UNC5D: variants seen among roughly 807,000 people sequenced by gnomAD.
UNC5D encodes the protein netrin receptor UNC5D.
UNC5D carries 39 observed loss-of-function variants against 105.4 expected under a neutral mutation model. The observed-to-expected ratio is 0.37, with a 90% confidence interval of 0.29 to 0.48. UNC5D has a LOEUF of 0.48. Ranked by LOEUF, UNC5D falls within the 20% of genes least tolerant of loss-of-function variation. UNC5D has a pLI of 0.98. For missense variants in UNC5D, 991 were observed against 1,202.4 expected (o/e 0.82, Z 2.60); for synonymous variants, 452 against 450.4 (o/e 1.00, Z -0.04).
Position 35,760,641 on chromosome 8 carries a change from C to T in UNC5D, c.2313+1172C>T, listed in dbSNP as rs138467109. Among the ~76,000 whole-genome samples, 643 of 152,232 alleles carry T rather than the reference C, an allele frequency of 4.2e-3. 2 individuals carry two copies. The highest frequency in any genetic ancestry group is 0.014 in the African/African-American group (596 of 41,550). On this transcript the variant is annotated intron_variant, in intron 14 of 16. Transcript: ENST00000404895. ...TCAAGTGCTTAAGGACAGGATATTTCCTTCACTCTGGAAAAGCTTCTGGCG... is the reference window on the plus strand; with the variant it reads ...TCAAGTGCTTAAGGACAGGATATTTTCTTCACTCTGGAAAAGCTTCTGGCG...
chr8:35,441,293 A>AT (rs1309646572), intron 1 of UNC5D, among the ~76,000 whole-genome samples: 2 of 151,962 alleles, frequency 1.3e-5, no homozygotes, highest in African/African-American at 4.8e-5. Flanking sequence ...GCACAGTAAG[A>AT]TTTTGAGAGA....
At chr8:35,498,450 G>C (rs1178578587) in intron 1 of UNC5D, among the ~76,000 whole-genome samples, 1 of 152,118 alleles carries the variant, frequency 6.6e-6, no homozygotes, top group Non-Finnish European at 1.5e-5. Flanking sequence ...ATGTTGACTA[G>C]AAGGATCAAT....
At chr8:35,236,324 G>T (rs961559928) in intron 1 of UNC5D, among the ~76,000 whole-genome samples, 7 of 152,216 alleles carry the variant, frequency 4.6e-5, no homozygotes, top group Non-Finnish European at 1.0e-4. Flanking sequence ...TGTAGGGTGG[G>T]CTTGAACAGA....
chr8:35,509,810 C>T (rs1213511401), intron 1 of UNC5D, among the ~76,000 whole-genome samples: 4 of 152,056 alleles, frequency 2.6e-5, no homozygotes, highest in Non-Finnish European at 4.4e-5. Context: ...ATTGTCTCCA[C>T]TTCAGATGCC....
rs3048025 is a variant in UNC5D, at chr8:35,487,566, T to TACAC, written c.104-61701_104-61698dup. ...ATCTCTCTGTCTCTCTCTCTCTCTG[T>TACAC]ACACACACACACACACACACACACA... On this transcript the variant is annotated intron_variant, in intron 1 of 16. Coordinates refer to ENST00000404895, the MANE Select transcript of UNC5D (RefSeq NM_080872.4). 5.1e-3 allele frequency among the ~76,000 whole-genome samples: 571 copies of TACAC among 113,006 alleles called. 2 individuals carry two copies. The highest frequency in any genetic ancestry group is 8.8e-3 in the African/African-American group (236 of 26,890). The allele number at this position is 113,006 out of a possible 152,430, so 74.1% of individuals were successfully genotyped here.
chr8:35,416,172 A>G (rs1468018467), intron 1 of UNC5D, among the ~76,000 whole-genome samples: 1 of 151,980 alleles, frequency 6.6e-6, no homozygotes, highest in Non-Finnish European at 1.5e-5. Context: ...ACATCTATAT[A>G]CCCACAGAAA....
Position 35,253,590 on chromosome 8 carries a change from G to A in UNC5D, c.103+17703G>A, listed in dbSNP as rs996177449. Among the ~76,000 whole-genome samples the A allele has an allele frequency of 6.7e-5, 10 of 148,280 alleles. No homozygotes were observed. The South Asian group carries it at 8.7e-4, about 13-fold the overall frequency. On this transcript the variant is annotated intron_variant, in intron 1 of 16. Transcript: ENST00000404895. ...CAACCTCCACCTCCTGGGTTCAAGCGATTCTCCTGCCTCCGCCTCCCGAGT... is the reference window on the plus strand; with the variant it reads ...CAACCTCCACCTCCTGGGTTCAAGCAATTCTCCTGCCTCCGCCTCCCGAGT...
chr8:35,297,891 T>C (rs547649388), intron 1 of UNC5D, among the ~76,000 whole-genome samples: 1 of 152,230 alleles, frequency 6.6e-6, no homozygotes, highest in African/African-American at 2.4e-5. Context: ...CGACTTCCAT[T>C]AAGCGGGGCC....
intron 16 of UNC5D, among the ~76,000 whole-genome samples, chr8:35,779,632 T>G (rs1329187592): frequency 6.6e-6 from 1 of 152,140 alleles, no homozygotes; most frequent in Admixed American, 6.5e-5. Flanking sequence ...CTAACTTGTA[T>G]TTTTGCAGAG....
rs1821743711 is a variant in UNC5D, at chr8:35,627,208, ATTC to A, written c.570+31557_570+31559del. The stretch of plus-strand genomic sequence containing the variant: ...CATTACATTAGCCTCTTCTTGCCTA[ATTC>A]TTCTTATCAGCTTGAGACACACCCT... On this transcript the variant is annotated intron_variant, in intron 4 of 16. Coordinates refer to ENST00000404895, the MANE Select transcript of UNC5D (RefSeq NM_080872.4). 3.3e-5 allele frequency among the ~76,000 whole-genome samples: 5 copies of A among 152,204 alleles called. No individual in the cohort carries two copies. In the South Asian group the frequency reaches 1.0e-3, roughly 32 times the overall value.
At chr8:35,749,075 G>C (rs1438195709) in intron 12 of UNC5D, among the ~76,000 whole-genome samples, 1 of 152,170 alleles carries the variant, frequency 6.6e-6, no homozygotes, top group African/African-American at 2.4e-5. Flanking sequence ...TCTGTGTTCA[G>C]AAAGAAAATA....
chr8:35,641,366 C>CAAAAAAAAAAAAAAAAAAAGGA (rs1822713232), intron 4 of UNC5D, among the ~76,000 whole-genome samples: 2 of 44,290 alleles, frequency 4.5e-5, no homozygotes, highest in Admixed American at 3.2e-4. Context: ...AAAAATAAAG[C>CAAAAAAAAAAAAAAAAAAAGGA]AAAAAAAAAA....
intron 1 of UNC5D, among the ~76,000 whole-genome samples, chr8:35,264,081 TAA>T: frequency 1.3e-5 from 2 of 152,224 alleles, no homozygotes; most frequent in African/African-American, 2.4e-5. Context: ...GCAAAAAACA[TAA>T]TCAAATAAGG....
At chr8:35,565,383 C>T (rs918176205) in intron 2 of UNC5D, among the ~76,000 whole-genome samples, 2 of 151,968 alleles carry the variant, frequency 1.3e-5, no homozygotes, top group South Asian at 2.1e-4. Context: ...ACTTACATAT[C>T]TTCTTTTGAA....
intron 5 of UNC5D, 38 bp from the exon 6 acceptor site, chr8:35,684,544 T>TA: frequency 6.3e-7 from 1 of 1,599,192 alleles, no homozygotes. Context: ...TAAAAACCTC[T>TA]CTCCTTTTTT....
At chr8:35,447,211 T>C (rs1807853482) in intron 1 of UNC5D, among the ~76,000 whole-genome samples, 1 of 152,118 alleles carries the variant, frequency 6.6e-6, no homozygotes, top group Non-Finnish European at 1.5e-5. Context: ...CATCAGTATT[T>C]TGTAGATGTA....
chr8:35,595,399 C>T (rs970009598), intron 3 of UNC5D, among the ~76,000 whole-genome samples, 155 bp from the exon 4 acceptor site: 2 of 152,032 alleles, frequency 1.3e-5, no homozygotes, highest in Admixed American at 6.6e-5. Flanking sequence ...TTTGGAAAAA[C>T]GATTCTCTTA....
In UNC5D at chr8:35,755,682, A is replaced by T. The variant is rs188339476; in HGVS notation, c.2164-3638A>T. Among the ~76,000 whole-genome samples, 895 of 152,320 alleles carry T rather than the reference A, an allele frequency of 5.9e-3. 5 individuals carry two copies. The highest frequency in any genetic ancestry group is 8.2e-3 in the Non-Finnish European group (560 of 68,026). ...GGATGACTTGCAACCCCACTGTAAA[A>T]TGATGAAACAGAATGCTGAGAAAAA... On this transcript the variant is annotated intron_variant, in intron 13 of 16. Transcript: ENST00000404895.
intron 11 of UNC5D, among the ~76,000 whole-genome samples, chr8:35,747,381 T>C (rs1830060402): frequency 6.6e-6 from 1 of 152,198 alleles, no homozygotes; most frequent in South Asian, 2.1e-4. Context: ...TAGAAGATCT[T>C]GGGAAAGATG....
Sources: gnomAD v4.1 joint callset for allele counts (sites outside exome capture counted in the v4.1 genomes callset) on GRCh38, gnomAD v4.1.1 for gene constraint, MANE v1.5 for transcripts, NCBI Gene and HGNC (gene_info 2026-07-23, HGNC 2026-07-21) for gene names.